Variants in OLFM1 observed in about 807,000 individuals in gnomAD.
OLFM1 encodes olfactomedin 1.
In OLFM1, 9 loss-of-function variants were observed where a neutral mutation model predicts 49.7. The ratio of observed to expected loss-of-function variants is 0.18; its 90% CI spans 0.11 to 0.32. The LOEUF (loss-of-function observed/expected upper bound fraction) is 0.32. Among genes scored for constraint, OLFM1 ranks in the 10% least tolerant of loss-of-function variants. The pLI is 1.00. For synonymous variants in OLFM1, 240 were observed against 271.8 expected, an observed-to-expected ratio of 0.88 and a Z score of 1.15; for missense variants, 369 against 661.8, an observed-to-expected ratio of 0.56 and a Z score of 4.85.
At chr9:135,095,120 A>G (rs1830769344) in intron 2 of OLFM1, 1 of 152,212 alleles carries the variant, frequency 6.6e-6, no homozygotes, top group Admixed American at 6.5e-5. Context: ...TTAAAGTTCC[A>G]TCTTGAGGCT....
chr9:135,120,489 T>G lies in OLFM1; in HGVS notation c.*311T>G. On this transcript the variant is annotated 3_prime_UTR_variant, in exon 6 of 6. Transcript: ENST00000371793. Reference sequence around the variant, plus strand: ...AGGCGAGGCAATGACTGTTGGCCAGTTCTCACCGGGGAAAAACCCACTGTT... The same window carrying G: ...AGGCGAGGCAATGACTGTTGGCCAGGTCTCACCGGGGAAAAACCCACTGTT... 2 of 364,206 alleles carry G rather than the reference T, an allele frequency of 5.5e-6. No individual in the cohort carries two copies. The highest frequency in any genetic ancestry group is 1.0e-5 in the Non-Finnish European group (2 of 200,402). 22.6% of individuals were successfully genotyped at this position (364,206 alleles called of 1,614,324 possible).
chr9:135,096,907 A>G (rs1468169772), intron 3 of OLFM1, among the ~76,000 whole-genome samples: 1 of 152,142 alleles, frequency 6.6e-6, no homozygotes, highest in African/African-American at 2.4e-5. Flanking sequence ...TGTTTGTTTG[A>G]CCTAAAATCA....
intron 5 of OLFM1, among the ~76,000 whole-genome samples, chr9:135,116,220 T>A (rs949397524): frequency 3.3e-5 from 5 of 152,010 alleles, no homozygotes; most frequent in African/African-American, 1.2e-4. Context: ...GCCTGTGGGG[T>A]TCTGAGTGCC....
At chr9:135,082,580 G>A (rs1295129673) in intron 1 of OLFM1, among the ~76,000 whole-genome samples, 1 of 152,120 alleles carries the variant, frequency 6.6e-6, no homozygotes, top group Non-Finnish European at 1.5e-5. Context: ...CAACAATTTG[G>A]CTGTCAACTT....
At chr9:135,107,772 C>T (rs772371064) in intron 5 of OLFM1, among the ~76,000 whole-genome samples, 2 of 152,206 alleles carry the variant, frequency 1.3e-5, no homozygotes, top group Non-Finnish European at 2.9e-5. Context: ...TGCCCTGGGC[C>T]GACTGAGAAA....
intron 4 of OLFM1, chr9:135,106,093 A>T (rs1830938718): frequency 6.6e-6 from 1 of 152,394 alleles, no homozygotes; most frequent in Non-Finnish European, 1.5e-5. Flanking sequence ...CACATCCAGG[A>T]TCCCATCCGC....
rs559545167 is a variant in OLFM1, at chr9:135,090,011, T to C, written c.151-184T>C. Among the ~76,000 whole-genome samples the C allele has an allele frequency of 2.6e-5, 4 of 152,328 alleles. No individual in the cohort carries two copies. The East Asian group carries it at 7.7e-4, about 29-fold the overall frequency. On this transcript the variant is annotated intron_variant, in intron 1 of 5. Coordinates refer to ENST00000371793, the MANE Select transcript of OLFM1 (RefSeq NM_001282611.2). Reference sequence around the variant, plus strand: ...GCCCTGAGCCCCCTAACAGGAGACCTGTGCCTCTTTGTTCCCAGGGACCCT... The same window carrying C: ...GCCCTGAGCCCCCTAACAGGAGACCCGTGCCTCTTTGTTCCCAGGGACCCT...
upstream of OLFM1, among the ~76,000 whole-genome samples, chr9:135,082,694 C>A (rs1163822036): frequency 6.6e-6 from 1 of 152,220 alleles, no homozygotes. Flanking sequence ...CACAGATGCA[C>A]AGACTGAGTC....
upstream of OLFM1, among the ~76,000 whole-genome samples, chr9:135,084,051 C>T (rs114350005): frequency 3.2e-3 from 492 of 152,318 alleles, 4 homozygotes; most frequent in African/African-American, 0.011. The surrounding 1 kb of genome is among the most constrained non-coding windows in gnomAD (Gnocchi z 4.6). Context: ...AACCCAGAGG[C>T]CTCAGAGGAG....
chr9:135,120,130 C>T lies in OLFM1; in HGVS notation c.1410C>T (p.Ile470=), dbSNP rs1163555806. The change falls in exon 6 of 6, where the codon ATC becomes ATT. Residue 470 remains isoleucine (I), a synonymous_variant. Coordinates refer to ENST00000371793, the MANE Select transcript of OLFM1 (RefSeq NM_001282611.2). ...ATGCCTGGAACAACGGCCACCAGATCCTCTACAACGTGACCCTCTTCCACG... is the reference window on the plus strand; with the variant it reads ...ATGCCTGGAACAACGGCCACCAGATTCTCTACAACGTGACCCTCTTCCACG... The part of the protein sequence containing the change: ...ALYAWNNGHQ[I]LYNVTLFHVI... The T allele has an allele frequency of 3.7e-6, 6 of 1,613,872 alleles. No homozygotes were observed. The highest frequency in any genetic ancestry group is 1.3e-5 in the African/African-American group (1 of 74,934).
At chr9:135,097,222 T>G (rs1830811604) in intron 3 of OLFM1, among the ~76,000 whole-genome samples, 1 of 152,206 alleles carries the variant, frequency 6.6e-6, no homozygotes, top group African/African-American at 2.4e-5. Context: ...GGCAAGCTAA[T>G]GAAATTATAA....
chr9:135,089,189 A>G (rs1012392809), intron 1 of OLFM1, among the ~76,000 whole-genome samples: 4 of 152,360 alleles, frequency 2.6e-5, no homozygotes, highest in African/African-American at 7.2e-5. Context: ...CGATTCCTCC[A>G]TGATGACTTT....
intron 4 of OLFM1, among the ~76,000 whole-genome samples, chr9:135,100,230 T>TA (rs1334238178): frequency 6.6e-6 from 1 of 152,060 alleles, no homozygotes; most frequent in African/African-American, 2.4e-5. Flanking sequence ...GGATTTGGAG[T>TA]AAAAAGTTGC....
At position 135,077,150 on chromosome 9, in the gene OLFM1, G is replaced by GCACA. The variant is rs147807021; in HGVS notation, c.96+1363_96+1366dup. 4.8e-4 allele frequency: 724 copies of GCACA among 1,509,186 alleles called. 2 individuals are homozygous for GCACA. The African/African-American group carries it at 7.4e-3, about 15-fold the overall frequency. The allele number at this position is 1,509,186 out of a possible 1,614,324, so 93.5% of individuals were successfully genotyped here. ...GCTGGACAGATGCATTCATTCATGT[G>GCACA]CACACACACACACACACATGCACAC... is the stretch of plus-strand genomic sequence containing the variant. On this transcript the variant is annotated intron_variant, in intron 1 of 5. Transcript: ENST00000252854.
intron 5 of OLFM1, among the ~76,000 whole-genome samples, chr9:135,116,476 C>G (rs1317167631): frequency 6.6e-6 from 1 of 152,022 alleles, no homozygotes; most frequent in Non-Finnish European, 1.5e-5. Flanking sequence ...CTGGTGTATC[C>G]CCCTTCTGCC....
At position 135,120,040 on chromosome 9, in the gene OLFM1, C is replaced by G; in HGVS notation, c.1320C>G (p.Ile440Met). 2 of 1,614,062 alleles carry G rather than the reference C, an allele frequency of 1.2e-6. No homozygotes were observed. Among genetic ancestry groups the G allele is most frequent in the East Asian group, 2.2e-5 (1 of 44,882 alleles). The change falls in exon 6 of 6, where the codon ATC becomes ATG. Residue 440 changes from isoleucine (I) to methionine (M), a missense_variant. This residue lies in a region of OLFM1 where 294 missense variants were observed against 567.5 expected (regional missense o/e 0.52). Coordinates refer to ENST00000371793, the MANE Select transcript of OLFM1 (RefSeq NM_001282611.2). ...TNASTYEYID[I>M]PFQNKYSHIS... Reference sequence around the variant, plus strand: ...CCTCCACCTATGAATACATCGACATCCCATTCCAGAACAAATACTCCCACA... The same window carrying G: ...CCTCCACCTATGAATACATCGACATGCCATTCCAGAACAAATACTCCCACA...
intron 5 of OLFM1, among the ~76,000 whole-genome samples, chr9:135,109,815 A>G (rs1016291757): frequency 1.3e-5 from 2 of 152,142 alleles, no homozygotes; most frequent in East Asian, 1.9e-4. Context: ...GAGAGGTTCA[A>G]TGGGGCTGCC....
intron 4 of OLFM1, 117 bp from the exon 5 acceptor site, chr9:135,106,632 G>A (rs1429356723): frequency 1.3e-5 from 9 of 703,862 alleles, no homozygotes; most frequent in Middle Eastern, 2.5e-4. Flanking sequence ...CCCAGACCCC[G>A]AGGGCAAGAG....
At chr9:135,107,938 C>A (rs142552435) in intron 5 of OLFM1, among the ~76,000 whole-genome samples, 1 of 152,060 alleles carries the variant, frequency 6.6e-6, no homozygotes, top group African/African-American at 2.4e-5. Flanking sequence ...AAAACATGGG[C>A]GGTACGGCCT....
Sources: gnomAD v4.1 joint callset for allele counts (sites outside exome capture counted in the v4.1 genomes callset) on GRCh38, gnomAD v4.1.1 for gene constraint, gnomAD v4.1.1 regional missense constraint, Gnocchi (gnomAD v3.1) non-coding constraint, MANE v1.5 for transcripts, NCBI Gene and HGNC (gene_info 2026-07-23, HGNC 2026-07-21) for gene names.